The following ANK2 variants were observed in gnomAD, a reference collection of about 807,000 sequenced individuals.
ANK2 encodes ankyrin-2.
ANK2 carries 83 observed loss-of-function variants against 360.5 expected under a neutral mutation model. The observed-to-expected ratio is 0.23, with a 90% CI of 0.19 to 0.28. ANK2 has a LOEUF of 0.28. Ranked by LOEUF, ANK2 falls within the 10% of genes least tolerant of loss-of-function variation. The probability of loss-of-function intolerance (pLI) is 1.00; values close to 1 mark genes in which losing one functional copy is unlikely to be tolerated. For missense variants in ANK2, 4,201 were observed against 4,795.7 expected (o/e 0.88, Z 3.66); for synonymous variants, 1,740 against 1,759.5 (o/e 0.99, Z 0.28).
intron 1 of ANK2, among the ~76,000 whole-genome samples, chr4:113,090,554 C>T (rs620520): frequency 0.82 from 124,568 of 152,112 alleles, 51,586 homozygotes; most frequent in African/African-American, 0.95. Context: ...TTTGGAGTTG[C>T]TTTTATATAT....
intron 2 of ANK2, among the ~76,000 whole-genome samples, chr4:112,976,198 A>ATTTT (rs568340736): frequency 2.4e-3 from 343 of 144,470 alleles, no homozygotes; most frequent in African/African-American, 7.8e-3. Context: ...TGGCTGTGGA[A>ATTTT]TTTTTTTTTT....
intron 1 of ANK2, among the ~76,000 whole-genome samples, chr4:112,898,059 A>G (rs2082244524): frequency 6.6e-6 from 1 of 152,148 alleles, no homozygotes; most frequent in Non-Finnish European, 1.5e-5. Flanking sequence ...TTATCAATAG[A>G]CTTTATTTTT....
intron 4 of ANK2, among the ~76,000 whole-genome samples, chr4:113,231,377 T>C (rs2099302378): frequency 6.6e-6 from 1 of 152,008 alleles, no homozygotes; most frequent in Admixed American, 6.5e-5. Flanking sequence ...TCAATCAAAT[T>C]TGTAGTCTCT....
In ANK2 at chr4:113,023,741, G is replaced by A. The variant is rs374967986; in HGVS notation, c.21+119227G>A. Among the ~76,000 whole-genome samples, 14 of 152,216 alleles carry A rather than the reference G, an allele frequency of 9.2e-5. No homozygotes were observed. In the South Asian group the frequency reaches 2.9e-3, roughly 32 times the overall value. Reference sequence around the variant, plus strand: ...TGTATGACAGCGGGGTCTTTGTTTTGTTCATTGCAACATCTACAGCACCTA... The same window carrying A: ...TGTATGACAGCGGGGTCTTTGTTTTATTCATTGCAACATCTACAGCACCTA... On this transcript the variant is annotated intron_variant, in intron 2 of 30. Transcript: ENST00000503271.
intron 1 of ANK2, among the ~76,000 whole-genome samples, chr4:113,144,833 A>C (rs1156323631): frequency 6.8e-6 from 1 of 147,778 alleles, no homozygotes; most frequent in African/African-American, 2.4e-5. Flanking sequence ...TTATAAATAT[A>C]TATATATATA....
At chr4:112,807,702 T>G in the ANK2 span, among the ~76,000 whole-genome samples, 1 of 152,230 alleles carries the variant, frequency 6.6e-6, no homozygotes, top group Non-Finnish European at 1.5e-5. Context: ...CCTTGGTCTT[T>G]TCTTTCATAG....
intron 45 of ANK2, among the ~76,000 whole-genome samples, chr4:113,379,382 A>T (rs1396671186): frequency 1.3e-5 from 2 of 152,230 alleles, no homozygotes; most frequent in Non-Finnish European, 2.9e-5. Context: ...TTAGTTATGG[A>T]AGCTAGTTAG....
chr4:113,362,454 T>A lies in ANK2; in HGVS notation c.10757-884T>A, dbSNP rs967289239. 2.0e-5 allele frequency among the ~76,000 whole-genome samples: 3 copies of A among 152,132 alleles called. No homozygotes were observed. The East Asian group carries it at 5.8e-4, about 29-fold the overall frequency. The stretch of plus-strand genomic sequence containing the variant: ...TTGTTATTTTGTTTTTGTTTTGTTT[T>A]GTTTTACAGAGACAGGATCATGCTC... On this transcript the variant is annotated intron_variant, in intron 39 of 45. Transcript: ENST00000357077.
the ANK2 span, among the ~76,000 whole-genome samples, chr4:112,711,938 C>T: frequency 7.3e-5 from 11 of 150,664 alleles, no homozygotes; most frequent in African/African-American, 2.4e-4. Flanking sequence ...CTTAGCTACT[C>T]GGGTAGCTAG....
chr4:113,054,980 C>G (rs937833125), intron 1 of ANK2, among the ~76,000 whole-genome samples: 15 of 152,138 alleles, frequency 9.9e-5, no homozygotes, highest in African/African-American at 3.6e-4. Context: ...ACCAGAATTA[C>G]CTGGGTTGTC....
intron 1 of ANK2, among the ~76,000 whole-genome samples, chr4:113,052,294 A>G (rs183928119): frequency 2.0e-5 from 3 of 152,284 alleles, no homozygotes; most frequent in Admixed American, 6.5e-5. Context: ...CATCACTTCA[A>G]TTCGGTTGTT....
chr4:113,117,329 G>A, intron 1 of ANK2: 1 of 456,126 alleles, frequency 2.2e-6, no homozygotes. Flanking sequence ...AGTTCGAGAG[G>A]CTGATCTGGA....
chr4:113,182,885 C>A (rs2098445142), intron 2 of ANK2, among the ~76,000 whole-genome samples: 1 of 152,034 alleles, frequency 6.6e-6, no homozygotes, highest in African/African-American at 2.4e-5. Context: ...AGAAGGCTTT[C>A]TTTGTAATAG....
chr4:113,337,367 C>T (rs918965737), intron 31 of ANK2, among the ~76,000 whole-genome samples: 1 of 152,156 alleles, frequency 6.6e-6, no homozygotes, highest in Non-Finnish European at 1.5e-5. Context: ...TAGTCGCTTT[C>T]AGACAGCTAC....
In ANK2 at chr4:113,365,009, A is replaced by T. The variant is rs376143757; in HGVS notation, c.10889-30A>T. On this transcript the variant is annotated intron_variant, in intron 40 of 45. Transcript: ENST00000357077. Reference sequence around the variant, plus strand: ...AGATTTTTAAGAGTACCTCTCAGACATAATAAATGCTGTTTCTCTAATGTG... The same window carrying T: ...AGATTTTTAAGAGTACCTCTCAGACTTAATAAATGCTGTTTCTCTAATGTG... 6.6e-4 allele frequency: 1,060 copies of T among 1,613,318 alleles called. 9 individuals are homozygous for T. The African/African-American group carries it at 0.013, about 20-fold the overall frequency.
intron 5 of ANK2, among the ~76,000 whole-genome samples, chr4:113,236,611 C>T (rs981912613): frequency 4.6e-5 from 7 of 152,176 alleles, no homozygotes; most frequent in Non-Finnish European, 1.0e-4. Context: ...CTTTGATTCC[C>T]AGTCAGACTT....
chr4:112,829,491 CAAAAAA>C (rs60272903), intron 1 of ANK2, among the ~76,000 whole-genome samples: 16,092 of 60,838 alleles, frequency 0.26, 1,868 homozygotes, highest in East Asian at 0.65. Flanking sequence ...CCCATCTCTA[CAAAAAA>C]AAAAAAAAAA....
chr4:113,257,792 A>G (rs1586362479), intron 11 of ANK2, among the ~76,000 whole-genome samples: 1 of 152,228 alleles, frequency 6.6e-6, no homozygotes, highest in African/African-American at 2.4e-5. Flanking sequence ...AAAGAGAAGG[A>G]CCATGTATTT....
chr4:113,301,952 T>G (rs942884614), intron 22 of ANK2, among the ~76,000 whole-genome samples: 1 of 152,234 alleles, frequency 6.6e-6, no homozygotes, highest in Admixed American at 6.5e-5. Context: ...TGCCAACATA[T>G]GCCAAGCACT....
Sources: allele counts gnomAD v4.1 joint callset (sites outside exome capture counted in the v4.1 genomes callset), GRCh38; gene constraint gnomAD v4.1.1; transcripts MANE v1.5; gene names NCBI Gene and HGNC (gene_info 2026-07-23, HGNC 2026-07-21).